The following ANKRD27 variants were observed in gnomAD, a reference collection of about 807,000 sequenced individuals.
The protein encoded by ANKRD27 is ankyrin repeat domain-containing protein 27.
Under a neutral mutation model 129.7 loss-of-function variants are expected in ANKRD27, and 112 were observed. That is an observed-to-expected ratio of 0.86 (90% CI 0.74 to 1.01). The LOEUF (loss-of-function observed/expected upper bound fraction) is 1.01, where lower values mean the gene tolerates loss of function less well. Among genes scored for constraint, ANKRD27 ranks in the 50% least tolerant of loss-of-function variants. ANKRD27 has a pLI of 0.00. For synonymous variants in ANKRD27, 516 were observed against 511.2 expected (o/e 1.01, Z -0.13); for missense variants, 1,258 against 1,300.5 (o/e 0.97, Z 0.50).
intron 18 of ANKRD27, among the ~76,000 whole-genome samples, chr19:32,621,337 T>C (rs1972007055): frequency 6.6e-6 from 1 of 152,090 alleles, no homozygotes; most frequent in Non-Finnish European, 1.5e-5. Context: ...TAAAATCATA[T>C]ATTTTGGGGC....
At chr19:32,656,091 GAAAGAAAGAAAGAAAGAAAAGA>G (rs1310559048) in intron 2 of ANKRD27, among the ~76,000 whole-genome samples, 26 of 117,704 alleles carry the variant, frequency 2.2e-4, no homozygotes, top group African/African-American at 4.3e-4. Context: ...AAGAAAGAAA[GAAAGAAAGAAAGAAAGAAAAGA>G]AAAGAAAAGA....
intron 25 of ANKRD27, among the ~76,000 whole-genome samples, chr19:32,603,767 G>A (rs1971687575): frequency 6.6e-6 from 1 of 152,126 alleles, no homozygotes; most frequent in Admixed American, 6.5e-5. Flanking sequence ...ATGAGCTCCT[G>A]CGCTCAAGTG....
At chr19:32,669,491 G>A (rs1967825439) in intron 1 of ANKRD27, among the ~76,000 whole-genome samples, 1 of 152,114 alleles carries the variant, frequency 6.6e-6, no homozygotes, top group Admixed American at 6.6e-5. Flanking sequence ...GGTTCTATGT[G>A]GCACATTGCA....
At chr19:32,662,307 T>G (rs1366493886) in intron 1 of ANKRD27, among the ~76,000 whole-genome samples, 1 of 64,664 alleles carries the variant, frequency 1.5e-5, no homozygotes, top group African/African-American at 6.9e-5. Context: ...AAAGACTCAG[T>G]CTCCAAAAAA....
intron 12 of ANKRD27, among the ~76,000 whole-genome samples, chr19:32,633,030 C>T (rs1967026291): frequency 6.6e-6 from 1 of 152,182 alleles, no homozygotes; most frequent in Admixed American, 6.6e-5. Context: ...CCACTTTACA[C>T]CGCAATTCAC....
At position 32,646,508 on chromosome 19, in the gene ANKRD27, A is replaced by C. The variant is rs763138650; in HGVS notation, c.321T>G (p.Ser107Arg). Reference protein sequence around the residue: ...EETFYNEKEESFSILCIAHPL... With the variant: ...EETFYNEKEERFSILCIAHPL... ...GATGGGCTATACACAGGATGCTGAA[A>C]CTCTCTTCTTTTTCATTGTAGAAAG... Residue 107 changes from serine to arginine, a missense_variant, in exon 4 of 29, where the codon AGT (serine) becomes AGG (arginine). Transcript: ENST00000306065. 4 of 1,614,108 alleles carry C rather than the reference A, an allele frequency of 2.5e-6. No individual in the cohort carries two copies. The South Asian group carries it at 4.4e-5, about 18-fold the overall frequency.
intron 4 of ANKRD27, among the ~76,000 whole-genome samples, chr19:32,645,918 G>C (rs912948107): frequency 6.6e-6 from 1 of 151,956 alleles, no homozygotes; most frequent in African/African-American, 2.4e-5. Flanking sequence ...TTACAAGCGT[G>C]AGCCACCACG....
At chr19:32,650,678 T>TAA (rs929043931) in intron 2 of ANKRD27, among the ~76,000 whole-genome samples, 29 of 128,670 alleles carry the variant, frequency 2.3e-4, no homozygotes, top group South Asian at 1.2e-3. Context: ...ACTCTGTCTT[T>TAA]AAAAAAAAAA....
At position 32,619,362 on chromosome 19, in the gene ANKRD27, C is replaced by G. The variant is rs377049560; in HGVS notation, c.1905G>C (p.Pro635=). The G allele has an allele frequency of 5.0e-6, 8 of 1,613,706 alleles. No individual in the cohort carries two copies. Among genetic ancestry groups the G allele is most frequent in the Non-Finnish European group, 5.1e-6 (6 of 1,180,004 alleles). The part of the protein sequence containing the change: ...QKSSEAPVQS[P]QRSVDSISQE... ...GGCTGATGGAGTCCACGGAGCGCTG[C>G]GGGGACTGCACAGGGGCCTGCAGCC... is the stretch of plus-strand genomic sequence containing the variant. The change falls in exon 20 of 29, where the codon CCG becomes CCC. Residue 635 remains proline (P), a synonymous_variant. Coordinates refer to ENST00000306065, the MANE Select transcript of ANKRD27 (RefSeq NM_032139.3).
In ANKRD27 at chr19:32,625,912, T is replaced by C; in HGVS notation, c.1591A>G (p.Thr531Ala). 1 of 1,611,868 alleles carries C rather than the reference T, an allele frequency of 6.2e-7. No individual in the cohort carries two copies. The highest frequency in any genetic ancestry group is 8.5e-7 in the Non-Finnish European group (1 of 1,179,444). The stretch of plus-strand genomic sequence containing the variant: ...TAGGTGCAGGCCAGGTGGAGTGGCG[T>C]ATTCCCATTGTTGTCCTGCACTTCC... ...SAEVQDNNGN[T>A]PLHLACTYGH... Residue 531 changes from threonine (T) to alanine (A), a missense_variant, in exon 17 of 29, where the codon ACG (threonine) becomes GCG (alanine). Coordinates refer to ENST00000306065, the MANE Select transcript of ANKRD27 (RefSeq NM_032139.3).
chr19:32,626,748 G>T lies in ANKRD27; in HGVS notation c.1500C>A (p.Leu500=). The T allele has an allele frequency of 6.2e-7, 1 of 1,612,256 alleles. No individual in the cohort carries two copies. Among genetic ancestry groups the T allele is most frequent in the South Asian group, 1.1e-5 (1 of 90,598 alleles). The change falls in exon 16 of 29, where the codon CTC becomes CTA. Residue 500 remains leucine (L), a synonymous_variant. Transcript: ENST00000306065. ...NATDYHGATP[L]HLACQKGYQS... ...GGTAGCCCTTCTGACAGGCCAGGTGGAGCGGAGTGGCTCCATGGTAGTCTG... is the reference window on the plus strand; with the variant it reads ...GGTAGCCCTTCTGACAGGCCAGGTGTAGCGGAGTGGCTCCATGGTAGTCTG...
At chr19:32,649,890 G>A (rs923379587) in intron 2 of ANKRD27, 98 bp from the exon 3 acceptor site, 32 of 796,722 alleles carry the variant, frequency 4.0e-5, no homozygotes, top group Admixed American at 9.2e-5. Flanking sequence ...GACACACAGC[G>A]GGACCTGCTG....
At chr19:32,634,954 A>G (rs923106615) in intron 12 of ANKRD27, among the ~76,000 whole-genome samples, 1 of 152,104 alleles carries the variant, frequency 6.6e-6, no homozygotes, top group Admixed American at 6.6e-5. Context: ...TCAAACCAAC[A>G]CCAGCACGAG....
intron 18 of ANKRD27, among the ~76,000 whole-genome samples, chr19:32,620,696 G>A (rs1039841354): frequency 2.6e-5 from 4 of 151,996 alleles, no homozygotes; most frequent in Non-Finnish European, 4.4e-5. Context: ...AGACCAGCCT[G>A]GCCAACATGG....
chr19:32,648,460 A>G (rs192326536), intron 3 of ANKRD27, among the ~76,000 whole-genome samples: 3 of 152,246 alleles, frequency 2.0e-5, no homozygotes, highest in African/African-American at 7.2e-5. Flanking sequence ...TGGGAAATAC[A>G]CACTGAGCTG....
chr19:32,609,662 G>A (rs2046167530), intron 22 of ANKRD27, among the ~76,000 whole-genome samples: 2 of 140,668 alleles, frequency 1.4e-5, no homozygotes, highest in Admixed American at 7.0e-5. Flanking sequence ...GGGGGAATGG[G>A]GGGGTCATAG....
chr19:32,613,656 G>T (rs562853732), intron 22 of ANKRD27, among the ~76,000 whole-genome samples: 1 of 150,906 alleles, frequency 6.6e-6, no homozygotes, highest in Non-Finnish European at 1.5e-5. Context: ...CAAACGGAGT[G>T]AAGAAAGTCA....
At chr19:32,615,519 G>C in intron 22 of ANKRD27, 139 bp downstream of exon 22, 1 of 1,381,144 alleles carries the variant, frequency 7.2e-7, no homozygotes, top group Non-Finnish European at 1.0e-6. Context: ...AGGCGGTTGA[G>C]GCTGCAGTGG....
chr19:32,664,146 C>T (rs978715433), intron 1 of ANKRD27, among the ~76,000 whole-genome samples: 3 of 149,776 alleles, frequency 2.0e-5, no homozygotes, highest in African/African-American at 7.4e-5. Context: ...ATATTTTCAA[C>T]ATGTGACCAT....
Sources: allele counts gnomAD v4.1 joint callset (sites outside exome capture counted in the v4.1 genomes callset), GRCh38; gene constraint gnomAD v4.1.1; transcripts MANE v1.5; gene names NCBI Gene and HGNC (gene_info 2026-07-23, HGNC 2026-07-21).